ABCC9: variants seen among roughly 807,000 people sequenced by gnomAD.
ABCC9 encodes the protein ATP-binding cassette sub-family C member 9.
A neutral mutation model predicts 188.3 loss-of-function variants in ABCC9; 95 were observed. The observed-to-expected ratio is 0.50, with a 90% CI of 0.43 to 0.60. ABCC9 has a LOEUF of 0.60. Among genes scored for constraint, ABCC9 ranks in the 20% least tolerant of loss-of-function variants. The pLI is 0.00. For synonymous variants in ABCC9, 659 were observed against 652.7 expected, an observed-to-expected ratio of 1.01 and a Z score of -0.15; for missense variants, 1,102 against 1,876.3, an observed-to-expected ratio of 0.59 and a Z score of 7.62.
intron 34 of ABCC9, 142 bp downstream of exon 34, chr12:21,815,621 T>G: frequency 1.0e-6 from 1 of 969,112 alleles, no homozygotes; most frequent in Non-Finnish European, 1.6e-6. Context: ...TCTCCCTTTT[T>G]TCTTTTATGC....
intron 18 of ABCC9, among the ~76,000 whole-genome samples, chr12:21,872,407 T>C (rs192990200): frequency 1.9e-3 from 283 of 152,352 alleles, no homozygotes; most frequent in African/African-American, 6.5e-3. Flanking sequence ...CTCAGCAATA[T>C]ACTAGTTTAT....
chr12:21,866,844 A>C (rs1254507868), intron 18 of ABCC9, among the ~76,000 whole-genome samples: 1 of 152,182 alleles, frequency 6.6e-6, no homozygotes, highest in Middle Eastern at 3.2e-3. Context: ...ACAGAGGTTA[A>C]GTGTGGGTGG....
rs1256479917 is a variant in ABCC9 at position 21,882,836 on chromosome 12, T to A, written c.1949A>T (p.Tyr650Phe). Residue 650 changes from tyrosine to phenylalanine, a missense_variant, in exon 16 of 40, where the codon TAT becomes TTT. Tyr to Phe is a conservative substitution (Grantham distance 22). Around this residue, in one of 12 missense-constraint regions of ABCC9, gnomAD observed 258 missense variants for 325.6 expected, o/e 0.79. Transcript: ENST00000261200. ...TGATTGCTCATAGCTGTCCAGGTGA[T>A]ATCTTCCAGGCTGTTTCCTGTTTAT... ...KTINRKQPGR[Y>F]HLDSYEQSTR... The A allele has an allele frequency of 3.1e-6, 5 of 1,613,996 alleles. No individual in the cohort carries two copies. Among genetic ancestry groups the A allele is most frequent in the Non-Finnish European group, 4.2e-6 (5 of 1,179,976 alleles).
At position 21,849,942 on chromosome 12, in the gene ABCC9, C is replaced by T. The variant is rs1403808627; in HGVS notation, c.2770-1696G>A. 2.6e-5 allele frequency among the ~76,000 whole-genome samples: 4 copies of T among 152,138 alleles called. No individual in the cohort carries two copies. The East Asian group carries it at 7.7e-4, about 29-fold the overall frequency. ...TTCATTACTATCTATCATATTCTTTCCTGTTTACCCCTTGATCCTTAAACT... is the reference window on the plus strand; with the variant it reads ...TTCATTACTATCTATCATATTCTTTTCTGTTTACCCCTTGATCCTTAAACT... On this transcript the variant is annotated intron_variant, in intron 24 of 39. Transcript: ENST00000261200.
intron 18 of ABCC9, among the ~76,000 whole-genome samples, chr12:21,869,117 A>G (rs1395699663): frequency 6.6e-6 from 1 of 152,232 alleles, no homozygotes; most frequent in East Asian, 1.9e-4. Context: ...ACCAACTTAA[A>G]CATTTTTGAA....
chr12:21,809,684 C>G (rs1349882090), intron 37 of ABCC9, among the ~76,000 whole-genome samples, 168 bp downstream of exon 37: 1 of 151,972 alleles, frequency 6.6e-6, no homozygotes, highest in Non-Finnish European at 1.5e-5. Context: ...CTCTTGTACC[C>G]CATGCAAAAA....
chr12:21,866,213 A>G (rs1945769925), intron 18 of ABCC9, among the ~76,000 whole-genome samples: 1 of 136,548 alleles, frequency 7.3e-6, no homozygotes, highest in Admixed American at 7.1e-5. Context: ...CAGCCAGATA[A>G]TGAAGGGGCT....
intron 26 of ABCC9, 50 bp from the exon 27 acceptor site, chr12:21,844,965 C>A: frequency 6.3e-7 from 1 of 1,598,266 alleles, no homozygotes; most frequent in Non-Finnish European, 8.6e-7. Context: ...CAATGGAGTT[C>A]TTTCTTACTA....
rs1299486109 is a variant in ABCC9, at chr12:21,798,115, G to T, written c.*2929C>A. On this transcript the variant is annotated 3_prime_UTR_variant, in exon 40 of 40. Transcript: ENST00000261200. ...ATTTACTCAACTTAAGTAACTAAAAGTTATGAGGGGACCAGCAACCACTTG... is the reference window on the plus strand; with the variant it reads ...ATTTACTCAACTTAAGTAACTAAAATTTATGAGGGGACCAGCAACCACTTG... 3 of 152,170 alleles carry T rather than the reference G, an allele frequency of 2.0e-5. No homozygotes were observed. Among genetic ancestry groups the T allele is most frequent in the Non-Finnish European group, 4.4e-5 (3 of 68,030 alleles). The allele number at this position is 152,170 out of a possible 1,614,324, so 9.4% of individuals were successfully genotyped here.
chr12:21,916,694 C>T (rs963922232), intron 6 of ABCC9, among the ~76,000 whole-genome samples: 1 of 152,164 alleles, frequency 6.6e-6, no homozygotes, highest in Admixed American at 6.6e-5. Flanking sequence ...AGCATAATAT[C>T]TGACACATAG....
chr12:21,844,032 A>T (rs11046209), intron 28 of ABCC9, among the ~76,000 whole-genome samples: 7,819 of 152,172 alleles, frequency 0.051, 327 homozygotes, highest in South Asian at 0.11. Flanking sequence ...CATTCCTGGA[A>T]TTTTTCCTAA....
chr12:21,815,915 TAGAC>T (rs1433513035), intron 33 of ABCC9, 22 bp from the exon 34 acceptor site: 15 of 1,607,752 alleles, frequency 9.3e-6, no homozygotes, highest in East Asian at 2.2e-5. Context: ...GATGGGGAAA[TAGAC>T]AGATAATAGG....
chr12:21,834,479 G>T (rs1404937916), intron 30 of ABCC9, among the ~76,000 whole-genome samples: 1 of 152,088 alleles, frequency 6.6e-6, no homozygotes, highest in African/African-American at 2.4e-5. Context: ...TCCTTGACCT[G>T]GGTAGAGCTG....
At chr12:21,829,415 A>C (rs1283814) in intron 30 of ABCC9, among the ~76,000 whole-genome samples, 1 of 151,718 alleles carries the variant, frequency 6.6e-6, no homozygotes, top group East Asian at 1.9e-4. Flanking sequence ...GTTAGCCAGG[A>C]TGGTCTCGAT....
intron 16 of ABCC9, among the ~76,000 whole-genome samples, chr12:21,877,571 G>C (rs1272682508): frequency 6.6e-6 from 1 of 152,134 alleles, no homozygotes; most frequent in Non-Finnish European, 1.5e-5. Context: ...CCTAGGGTAG[G>C]TGAGGAGGCT....
In ABCC9 at chr12:21,845,838, T is replaced by C. The variant is rs548527449; in HGVS notation, c.2867-6A>G. ...ATCTTCCTCCTCTTCTTCCTCTACA[T>C]ACAAAAAACTTTTGTTTAAGCTTCA... is the stretch of plus-strand genomic sequence containing the variant. On this transcript the variant is annotated splice_region_variant and splice_polypyrimidine_tract_variant and intron_variant, in intron 25 of 39. Coordinates refer to ENST00000261200, the MANE Select transcript of ABCC9 (RefSeq NM_020297.4). The C allele has an allele frequency of 1.2e-6, 2 of 1,611,202 alleles. No individual in the cohort carries two copies. The highest frequency in any genetic ancestry group is 1.3e-5 in the African/African-American group (1 of 75,004).
At chr12:21,841,006 A>G (rs1220657233) in intron 29 of ABCC9, among the ~76,000 whole-genome samples, 1 of 152,178 alleles carries the variant, frequency 6.6e-6, no homozygotes, top group Non-Finnish European at 1.5e-5. Context: ...TCTAGCACTT[A>G]TCCATGTATT....
Position 21,814,799 on chromosome 12 carries a change from C to T in ABCC9, c.4024-77G>A. 16 of 1,147,180 alleles carry T rather than the reference C, an allele frequency of 1.4e-5. No individual in the cohort carries two copies. In the South Asian group the frequency reaches 1.6e-4, roughly 12 times the overall value. The allele number at this position is 1,147,180 out of a possible 1,614,324, so 71.1% of individuals were successfully genotyped here. A position where few individuals can be genotyped will look rare whatever the true frequency, so the allele number is the denominator to read the frequency against. ...GATTAGCTTAAGTTTTGTTTTTTAA[C>T]TTAAGATATTATGATAAAACTGTAA... On this transcript the variant is annotated intron_variant, in intron 34 of 39. Transcript: ENST00000261200.
At chr12:21,908,314 A>G in intron 10 of ABCC9, 103 bp from the exon 11 acceptor site, 2 of 1,394,194 alleles carry the variant, frequency 1.4e-6, no homozygotes, top group African/African-American at 2.9e-5. Context: ...CTTAATTATT[A>G]TATTGTTTAT....
Sources: allele counts gnomAD v4.1 joint callset (sites outside exome capture counted in the v4.1 genomes callset), GRCh38; gene constraint gnomAD v4.1.1; regional missense constraint gnomAD v4.1.1; transcripts MANE v1.5; gene names NCBI Gene and HGNC (gene_info 2026-07-23, HGNC 2026-07-21).